The following PTPRM variants were observed in gnomAD, a reference collection of about 807,000 sequenced individuals.
PTPRM encodes the protein receptor-type tyrosine-protein phosphatase mu.
Under a neutral mutation model 186.7 loss-of-function variants are expected in PTPRM, and 47 were observed. The observed-to-expected ratio is 0.25, with a 90% CI of 0.20 to 0.32. PTPRM has a LOEUF of 0.32. Ranked by LOEUF, PTPRM falls within the 10% of genes least tolerant of loss-of-function variation. PTPRM has a pLI of 1.00. For missense variants in PTPRM, 1,494 were observed against 1,865.0 expected (o/e 0.80, Z 3.66); for synonymous variants, 668 against 674.9 (o/e 0.99, Z 0.16).
At chr18:7,609,049 T>C (rs907414556) in intron 1 of PTPRM, among the ~76,000 whole-genome samples, 1 of 152,210 alleles carries the variant, frequency 6.6e-6, no homozygotes, top group African/African-American at 2.4e-5. Context: ...ATTCCTGTTT[T>C]CTTCCCCAGG....
chr18:7,858,698 G>A (rs1285248240), intron 2 of PTPRM, among the ~76,000 whole-genome samples: 4 of 152,186 alleles, frequency 2.6e-5, no homozygotes, highest in African/African-American at 9.6e-5. Flanking sequence ...AAATGTTTTG[G>A]AGAGAAGTCT....
chr18:7,836,334 C>A (rs1229847383), intron 2 of PTPRM, among the ~76,000 whole-genome samples: 2 of 152,052 alleles, frequency 1.3e-5, no homozygotes, highest in Admixed American at 1.3e-4. Context: ...AAGCTGATAA[C>A]AACACTGCAT....
chr18:7,705,322 TCTATCTGTCTATCTAG>T (rs965066054), intron 1 of PTPRM, among the ~76,000 whole-genome samples: 17 of 147,336 alleles, frequency 1.2e-4, no homozygotes, highest in Admixed American at 1.4e-4. Flanking sequence ...TATCTATCTA[TCTATCTGTCTATCTAG>T]CTAGCTAGCT....
intron 14 of PTPRM, among the ~76,000 whole-genome samples, chr18:8,155,690 A>G (rs1269755473): frequency 6.6e-6 from 1 of 152,230 alleles, no homozygotes; most frequent in Non-Finnish European, 1.5e-5. Flanking sequence ...TAAGAGGGAA[A>G]ATTTGATGAA....
chr18:7,683,685 T>TTCTTTTGTTGCATA (rs1401229989), intron 1 of PTPRM, among the ~76,000 whole-genome samples: 1 of 152,186 alleles, frequency 6.6e-6, no homozygotes, highest in Non-Finnish European at 1.5e-5. Context: ...TGGATTTGTT[T>TTCTTTTGTTGCATA]TCTTTTGTTG....
chr18:8,376,291 C>T, intron 25 of PTPRM, 91 bp downstream of exon 25: 2 of 1,548,400 alleles, frequency 1.3e-6, no homozygotes, highest in Admixed American at 3.7e-5. Flanking sequence ...TTTAGAACTT[C>T]AGAGGGGTGA....
At position 7,982,003 on chromosome 18, in the gene PTPRM, ATATGAAGG is replaced by A. The variant is rs2082579683; in HGVS notation, c.1132+26590_1132+26597del. On this transcript the variant is annotated intron_variant, in intron 7 of 32. Coordinates refer to ENST00000580170, the MANE Select transcript of PTPRM (RefSeq NM_001105244.2). Reference sequence around the variant, plus strand: ...GTGTCAGGGACCTAGTGGTGAGTGAATATGAAGGCCTAGGACATTACTGTACACCACTG... The same window carrying A: ...GTGTCAGGGACCTAGTGGTGAGTGAACCTAGGACATTACTGTACACCACTG... Among the ~76,000 whole-genome samples the A allele has an allele frequency of 2.0e-5, 3 of 152,322 alleles. No individual in the cohort carries two copies. The South Asian group carries it at 6.2e-4, about 32-fold the overall frequency.
chr18:8,375,099 AC>A (rs1276253588), intron 24 of PTPRM, among the ~76,000 whole-genome samples: 1 of 152,246 alleles, frequency 6.6e-6, no homozygotes, highest in Non-Finnish European at 1.5e-5. Context: ...ATAGGCTTAT[AC>A]TTAGAAAACA....
intron 1 of PTPRM, among the ~76,000 whole-genome samples, chr18:7,602,905 AATTATT>A (rs71354561): frequency 0.062 from 8,733 of 141,642 alleles, 710 homozygotes; most frequent in East Asian, 0.32. Flanking sequence ...ATGTATTTGG[AATTATT>A]ATTATTATTA....
intron 7 of PTPRM, among the ~76,000 whole-genome samples, chr18:7,961,828 G>T (rs1229507714): frequency 6.6e-6 from 1 of 152,116 alleles, no homozygotes; most frequent in Non-Finnish European, 1.5e-5. Context: ...TTTTTTAAAT[G>T]ATTGAGTGAG....
intron 7 of PTPRM, among the ~76,000 whole-genome samples, chr18:8,021,315 G>A (rs2085205151): frequency 1.0e-5 from 1 of 99,134 alleles, no homozygotes; most frequent in Non-Finnish European, 2.0e-5. Flanking sequence ...AAGCATAAAA[G>A]AGACACACAC....
intron 1 of PTPRM, among the ~76,000 whole-genome samples, chr18:7,663,894 C>A (rs373402318): frequency 6.6e-6 from 1 of 152,118 alleles, no homozygotes; most frequent in Non-Finnish European, 1.5e-5. Flanking sequence ...CCCTCTGCCC[C>A]CCTCCAGCCC....
chr18:8,127,919 A>G (rs752321664), intron 13 of PTPRM, among the ~76,000 whole-genome samples: 27 of 152,166 alleles, frequency 1.8e-4, no homozygotes, highest in Admixed American at 5.2e-4. Flanking sequence ...TAAGACCAAC[A>G]TAAACAGTTC....
chr18:7,707,531 C>T (rs1375593198), intron 1 of PTPRM, among the ~76,000 whole-genome samples: 1 of 151,848 alleles, frequency 6.6e-6, no homozygotes, highest in Non-Finnish European at 1.5e-5. Flanking sequence ...TCCAGCTACT[C>T]AGGAGGTTGA....
At position 7,585,499 on chromosome 18, in the gene PTPRM, G is replaced by A. The variant is rs368067271; in HGVS notation, c.73+17608G>A. On this transcript the variant is annotated intron_variant, in intron 1 of 32. Coordinates refer to ENST00000580170, the MANE Select transcript of PTPRM (RefSeq NM_001105244.2). ...CTGTATTTAAGGGATGGATTTGTGC[G>A]GGATTGGAATTTGGCCAGAGGTTGG... Among the ~76,000 whole-genome samples the A allele has an allele frequency of 1.7e-4, 26 of 152,294 alleles. No homozygotes were observed. The East Asian group carries it at 3.3e-3, about 19-fold the overall frequency.
At chr18:8,282,602 C>G (rs1040929029) in intron 19 of PTPRM, among the ~76,000 whole-genome samples, 21 of 152,146 alleles carry the variant, frequency 1.4e-4, no homozygotes, top group Non-Finnish European at 2.4e-4. Context: ...GTGGAGGTTG[C>G]AGTGAGCCAA....
intron 2 of PTPRM, among the ~76,000 whole-genome samples, chr18:7,879,108 A>G (rs2048374854): frequency 1.3e-5 from 2 of 152,202 alleles, no homozygotes; most frequent in African/African-American, 4.8e-5. Context: ...GTTTGTCTAA[A>G]TGACACACTG....
At chr18:7,594,486 G>GA (rs374543175) in intron 1 of PTPRM, among the ~76,000 whole-genome samples, 393 of 142,012 alleles carry the variant, frequency 2.8e-3, no homozygotes, top group East Asian at 0.022. Context: ...TCTCAAAAAC[G>GA]AAAAAAAAAA....
At chr18:8,103,020 G>T (rs567850841) in intron 11 of PTPRM, among the ~76,000 whole-genome samples, 31 of 150,914 alleles carry the variant, frequency 2.1e-4, no homozygotes, top group Admixed American at 1.1e-3. Context: ...GTAATATTTA[G>T]AAAGGAATCC....
Sources: allele counts gnomAD v4.1 joint callset (sites outside exome capture counted in the v4.1 genomes callset), GRCh38; gene constraint gnomAD v4.1.1; transcripts MANE v1.5; gene names NCBI Gene and HGNC (gene_info 2026-07-23, HGNC 2026-07-21).